Variants in ANKS1B observed in about 807,000 individuals in gnomAD.
ANKS1B encodes ankyrin repeat and sterile alpha motif domain containing 1B.
ANKS1B carries 36 observed loss-of-function variants against 148.3 expected under a neutral mutation model. That is an observed-to-expected ratio of 0.24 (90% CI 0.19 to 0.32). The LOEUF (loss-of-function observed/expected upper bound fraction) is 0.32. Ranked by LOEUF, ANKS1B falls within the 10% of genes least tolerant of loss-of-function variation. The pLI is 1.00. For synonymous variants in ANKS1B, 542 were observed against 560.8 expected, an observed-to-expected ratio of 0.97 and a Z score of 0.47; for missense variants, 1,157 against 1,542.6, an observed-to-expected ratio of 0.75 and a Z score of 4.19.
intron 15 of ANKS1B, among the ~76,000 whole-genome samples, chr12:99,095,522 T>A (rs2055730803): frequency 6.6e-6 from 1 of 152,162 alleles, no homozygotes; most frequent in Non-Finnish European, 1.5e-5. Flanking sequence ...CTCCATTGGA[T>A]ACCTGGAGGC....
chr12:99,384,187 A>G (rs2093764760), intron 12 of ANKS1B, among the ~76,000 whole-genome samples: 1 of 152,230 alleles, frequency 6.6e-6, no homozygotes. Context: ...TGACTGAATA[A>G]ATAATTACAT....
intron 12 of ANKS1B, among the ~76,000 whole-genome samples, chr12:99,390,064 G>T (rs930007627): frequency 1.3e-5 from 2 of 152,110 alleles, no homozygotes; most frequent in African/African-American, 4.8e-5. Context: ...TCTGCAATTT[G>T]TACAGAATTC....
chr12:99,065,697 G>A (rs61933372), intron 16 of ANKS1B, among the ~76,000 whole-genome samples: 5 of 122,352 alleles, frequency 4.1e-5, no homozygotes, highest in South Asian at 6.5e-4. Flanking sequence ...CCATCCATCC[G>A]TCCACCCACT....
In ANKS1B at chr12:99,406,731, G is replaced by A. The variant is rs1459760397; in HGVS notation, c.1576-6920C>T. The stretch of plus-strand genomic sequence containing the variant: ...CCATAAATGCTAAATAAAATAAAAA[G>A]TTGGTTTTTTGAAAAGATAAAATTG... On this transcript the variant is annotated intron_variant, in intron 11 of 26. Coordinates refer to ENST00000683438, the MANE Select transcript of ANKS1B (RefSeq NM_001352186.2). Among the ~76,000 whole-genome samples the A allele has an allele frequency of 2.7e-5, 4 of 145,802 alleles. 2 individuals are homozygous for A. The highest frequency in any genetic ancestry group is 6.1e-5 in the Non-Finnish European group (4 of 65,984).
chr12:99,967,920 A>C (rs888925025), intron 1 of ANKS1B, among the ~76,000 whole-genome samples: 6 of 151,774 alleles, frequency 4.0e-5, no homozygotes, highest in Admixed American at 6.6e-5. Flanking sequence ...AAAAAAAAAA[A>C]AAAGAAAAAG....
At chr12:99,604,342 T>C (rs2097832402) in intron 9 of ANKS1B, among the ~76,000 whole-genome samples, 1 of 152,074 alleles carries the variant, frequency 6.6e-6, no homozygotes, top group South Asian at 2.1e-4. Context: ...CCATATAATT[T>C]AGCATATCAA....
intron 9 of ANKS1B, among the ~76,000 whole-genome samples, chr12:99,652,029 A>G (rs1270771331): frequency 6.6e-6 from 1 of 150,626 alleles, no homozygotes; most frequent in Non-Finnish European, 1.5e-5. Flanking sequence ...ATGAAAATGT[A>G]TATATATAAA....
At chr12:99,278,099 A>G (rs923919694) in intron 12 of ANKS1B, among the ~76,000 whole-genome samples, 8 of 152,326 alleles carry the variant, frequency 5.3e-5, no homozygotes, top group African/African-American at 1.4e-4. Flanking sequence ...CACAGAATGG[A>G]GCCGCTGTGT....
chr12:98,849,125 C>A (rs2099506153), intron 17 of ANKS1B, among the ~76,000 whole-genome samples: 1 of 152,074 alleles, frequency 6.6e-6, no homozygotes, highest in African/African-American at 2.4e-5. Flanking sequence ...TAGAATTCTT[C>A]TAATCTCAAC....
At chr12:99,779,681 TGAG>T in intron 6 of ANKS1B, among the ~76,000 whole-genome samples, 187 bp downstream of exon 6, 1 of 152,272 alleles carries the variant, frequency 6.6e-6, no homozygotes, top group East Asian at 1.9e-4. Context: ...AAATACTTAC[TGAG>T]TAGTTGAAAA....
At chr12:98,908,073 A>G (rs912140880) in intron 17 of ANKS1B, among the ~76,000 whole-genome samples, 4 of 152,168 alleles carry the variant, frequency 2.6e-5, no homozygotes, top group African/African-American at 9.7e-5. Flanking sequence ...GTGACTCTGC[A>G]TGAGTCTTTC....
At chr12:99,707,297 G>A (rs2055957078) in intron 8 of ANKS1B, among the ~76,000 whole-genome samples, 1 of 152,012 alleles carries the variant, frequency 6.6e-6, no homozygotes, top group Admixed American at 6.6e-5. Context: ...AACCTCAGAT[G>A]ACTTCATTCT....
chr12:99,122,970 G>T (rs2063275036), intron 15 of ANKS1B, among the ~76,000 whole-genome samples: 1 of 131,894 alleles, frequency 7.6e-6, no homozygotes. Flanking sequence ...CTAGGAGCTA[G>T]AAATAAATCA....
chr12:99,371,579 C>CAT (rs1251217762), intron 12 of ANKS1B, among the ~76,000 whole-genome samples: 1 of 151,830 alleles, frequency 6.6e-6, no homozygotes, highest in African/African-American at 2.4e-5. Flanking sequence ...CACACACACA[C>CAT]ATATACATAC....
chr12:99,886,058 G>C (rs2092807829), intron 1 of ANKS1B, among the ~76,000 whole-genome samples: 1 of 152,178 alleles, frequency 6.6e-6, no homozygotes, highest in Admixed American at 6.5e-5. Context: ...ATTGTTCTGT[G>C]ATAAACATAT....
chr12:99,386,801 C>T (rs1320468195), intron 12 of ANKS1B, among the ~76,000 whole-genome samples: 3 of 152,150 alleles, frequency 2.0e-5, no homozygotes, highest in Admixed American at 2.0e-4. Flanking sequence ...TGACATATCT[C>T]CCTGAGGCAA....
chr12:98,879,706 C>A (rs951371989), intron 17 of ANKS1B, among the ~76,000 whole-genome samples: 1 of 152,012 alleles, frequency 6.6e-6, no homozygotes, highest in East Asian at 1.9e-4. Flanking sequence ...AGACAAAGTG[C>A]CACAAAGATA....
At chr12:98,849,243 T>TC (rs200515512) in intron 17 of ANKS1B, among the ~76,000 whole-genome samples, 101 of 152,096 alleles carry the variant, frequency 6.6e-4, no homozygotes, top group African/African-American at 2.3e-3. Context: ...TTTTTTTTTT[T>TC]ATTTAGATTT....
chr12:98,851,034 C>T (rs2099521977), intron 17 of ANKS1B, among the ~76,000 whole-genome samples: 1 of 152,214 alleles, frequency 6.6e-6, no homozygotes, highest in South Asian at 2.1e-4. Flanking sequence ...TGCTACAGTA[C>T]TACAGTTCTA....
Sources: allele counts gnomAD v4.1 joint callset (sites outside exome capture counted in the v4.1 genomes callset), GRCh38; gene constraint gnomAD v4.1.1; transcripts MANE v1.5; gene names NCBI Gene and HGNC (gene_info 2026-07-23, HGNC 2026-07-21).